Variants in PLEKHA8 observed in about 807,000 individuals in gnomAD.
PLEKHA8 encodes the protein pleckstrin homology domain containing A8.
Under a neutral mutation model 68.2 loss-of-function variants are expected in PLEKHA8, and 36 were observed. That is an observed-to-expected ratio of 0.53 (90% CI 0.40 to 0.70). The LOEUF is 0.70. Among genes scored for constraint, PLEKHA8 ranks in the 30% least tolerant of loss-of-function variants. PLEKHA8 has a pLI of 0.00. For missense variants in PLEKHA8, 505 were observed against 615.4 expected (o/e 0.82, Z 1.90); for synonymous variants, 211 against 216.1 (o/e 0.98, Z 0.20).
chr7:30,115,929 C>T (rs915558463), intron 13 of PLEKHA8: 4 of 149,212 alleles, frequency 2.7e-5, no homozygotes, highest in Non-Finnish European at 6.0e-5. Context: ...CGTGTACATA[C>T]ATGTATACAT....
intron 13 of PLEKHA8, among the ~76,000 whole-genome samples, chr7:30,121,569 C>T (rs1452300260): frequency 6.6e-6 from 1 of 152,072 alleles, no homozygotes; most frequent in Non-Finnish European, 1.5e-5. Context: ...GCGGAGGTTG[C>T]AGTGAGCAGA....
chr7:30,056,772 T>A lies in PLEKHA8; in HGVS notation c.1039+1430T>A, dbSNP rs1376927741. The stretch of plus-strand genomic sequence containing the variant: ...GTGTGTGTGTGTGTGTGTGTGTGTG[T>A]GTGTGTGTGTGTGTATATATATATG... On this transcript the variant is annotated intron_variant, in intron 9 of 13. Coordinates refer to ENST00000449726, the MANE Select transcript of PLEKHA8 (RefSeq NM_001197026.2). Among the ~76,000 whole-genome samples the A allele has an allele frequency of 6.0e-5, 8 of 133,796 alleles. No individual in the cohort carries two copies. In the East Asian group the frequency reaches 1.7e-3, roughly 28 times the overall value. The allele number at this position is 133,796 out of a possible 152,430, so 87.8% of individuals were successfully genotyped here.
At chr7:30,120,752 G>C (rs1796683325) in intron 13 of PLEKHA8, among the ~76,000 whole-genome samples, 2 of 152,214 alleles carry the variant, frequency 1.3e-5, no homozygotes, top group African/African-American at 2.4e-5. Context: ...CAGTTGGCTT[G>C]ATTGGTGGCC....
chr7:30,118,093 C>T (rs1796625607), intron 13 of PLEKHA8: 1 of 1,374,454 alleles, frequency 7.3e-7, no homozygotes, highest in Admixed American at 3.0e-5. Context: ...GGTGACGCCT[C>T]TCTCCAGGGG....
intron 13 of PLEKHA8, among the ~76,000 whole-genome samples, chr7:30,077,483 C>T (rs1466120831): frequency 1.3e-5 from 2 of 152,148 alleles, no homozygotes; most frequent in African/African-American, 4.8e-5. Context: ...CTAAACACTT[C>T]CTACAGATCC....
Position 30,126,738 on chromosome 7 carries a change from A to G in PLEKHA8, c.1363-2528A>G, listed in dbSNP as rs146724022. Among the ~76,000 whole-genome samples, 684 of 152,352 alleles carry G rather than the reference A, an allele frequency of 4.5e-3. 7 individuals are homozygous for G. The highest frequency in any genetic ancestry group is 0.016 in the African/African-American group (661 of 41,586). Reference sequence around the variant, plus strand: ...TGGTGGAAGGTGAAAGGCACGTCTCACATGGCAGCAGGCTAGAGAGAAGAA... The same window carrying G: ...TGGTGGAAGGTGAAAGGCACGTCTCGCATGGCAGCAGGCTAGAGAGAAGAA... On this transcript the variant is annotated intron_variant, in intron 13 of 13. Transcript: ENST00000396257.
downstream of PLEKHA8, among the ~76,000 whole-genome samples, chr7:30,085,181 C>T (rs1039163245): frequency 2.0e-4 from 30 of 152,030 alleles, no homozygotes; most frequent in African/African-American, 6.3e-4. Flanking sequence ...TCAAGTGATC[C>T]GCCCACCTCA....
chr7:30,048,982 T>C (rs117127612), intron 4 of PLEKHA8, among the ~76,000 whole-genome samples: 2 of 152,194 alleles, frequency 1.3e-5, no homozygotes, highest in African/African-American at 2.4e-5. Flanking sequence ...ACAATGTAAA[T>C]TGAACCACTT....
At chr7:30,124,918 A>T (rs771006066) in intron 13 of PLEKHA8, among the ~76,000 whole-genome samples, 1 of 152,042 alleles carries the variant, frequency 6.6e-6, no homozygotes, top group Non-Finnish European at 1.5e-5. Context: ...CTCCCAAAAA[A>T]ATTAGATCTT....
intron 1 of PLEKHA8, among the ~76,000 whole-genome samples, chr7:30,038,424 C>T (rs1469777174): frequency 6.6e-6 from 1 of 152,042 alleles, no homozygotes; most frequent in African/African-American, 2.4e-5. Context: ...CAGAGTAGCT[C>T]GTGGGTCAAA....
At chr7:30,091,259 CT>C (rs572121473), downstream of PLEKHA8, among the ~76,000 whole-genome samples, 2,442 of 144,018 alleles carry the variant, frequency 0.017, 17 homozygotes, top group African/African-American at 0.021. Flanking sequence ...TTGTTTTACT[CT>C]TTTTTTTTTT....
intron 13 of PLEKHA8, among the ~76,000 whole-genome samples, chr7:30,119,503 A>G (rs1176756848): frequency 6.6e-6 from 1 of 152,216 alleles, no homozygotes; most frequent in Non-Finnish European, 1.5e-5. Context: ...ACTGCCGAGG[A>G]CAGTATCTTA....
chr7:30,115,806 ACGCATGCATG>A (rs1562557904), intron 13 of PLEKHA8: 19 of 138,080 alleles, frequency 1.4e-4, no homozygotes, highest in African/African-American at 5.5e-4. Context: ...ACATGTATAC[ACGCATGCATG>A]TATACATGCG....
chr7:30,127,233 T>C (rs1363175881), intron 13 of PLEKHA8, among the ~76,000 whole-genome samples: 1 of 152,180 alleles, frequency 6.6e-6, no homozygotes, highest in Non-Finnish European at 1.5e-5. Context: ...AGCCAATGCA[T>C]ACAAAGCCCT....
intron 9 of PLEKHA8, among the ~76,000 whole-genome samples, chr7:30,060,447 AAAC>A (rs1793350039): frequency 9.5e-6 from 1 of 105,594 alleles, no homozygotes; most frequent in South Asian, 2.8e-4. Flanking sequence ...TCAAAAAAAC[AAAC>A]AAACCGAAAG....
At chr7:30,071,491 C>T (rs1461305322) in intron 12 of PLEKHA8, among the ~76,000 whole-genome samples, 1 of 152,194 alleles carries the variant, frequency 6.6e-6, no homozygotes, top group Admixed American at 6.5e-5. Context: ...TAGTTTCTCC[C>T]TTCTTACTGT....
intron 7 of PLEKHA8, 71 bp downstream of exon 7, chr7:30,052,937 C>T: frequency 7.8e-7 from 1 of 1,288,382 alleles, no homozygotes; most frequent in Non-Finnish European, 1.1e-6. Context: ...TGATGAATAT[C>T]CATGATAGGG....
At position 30,050,479 on chromosome 7, in the gene PLEKHA8, A is replaced by G. The variant is rs1275634703; in HGVS notation, c.638+5A>G. The G allele has an allele frequency of 1.3e-6, 2 of 1,560,270 alleles. No homozygotes were observed. Among genetic ancestry groups the G allele is most frequent in the Non-Finnish European group, 1.7e-6 (2 of 1,158,564 alleles). ...AATTCATAATTCATTGGAAAGGTACAGTAGCTTTTTTCTTCTTGCTAAAAA... is the reference window on the plus strand; with the variant it reads ...AATTCATAATTCATTGGAAAGGTACGGTAGCTTTTTTCTTCTTGCTAAAAA... On this transcript the variant is annotated splice_donor_5th_base_variant and intron_variant, in intron 6 of 13. Coordinates refer to ENST00000449726, the MANE Select transcript of PLEKHA8 (RefSeq NM_001197026.2).
intron 13 of PLEKHA8, among the ~76,000 whole-genome samples, chr7:30,077,071 C>T (rs1239530713): frequency 6.6e-6 from 1 of 152,086 alleles, no homozygotes; most frequent in Non-Finnish European, 1.5e-5. Flanking sequence ...TACTGGTTCT[C>T]CCCTTTTTTT....
Sources: allele counts gnomAD v4.1 joint callset (sites outside exome capture counted in the v4.1 genomes callset), GRCh38; gene constraint gnomAD v4.1.1; transcripts MANE v1.5; gene names NCBI Gene and HGNC (gene_info 2026-07-23, HGNC 2026-07-21).